Variants in IRAK2 observed in about 807,000 individuals in gnomAD.
The protein encoded by IRAK2 is interleukin 1 receptor associated kinase 2.
In IRAK2, 57 loss-of-function variants were observed where a neutral mutation model predicts 72.0. The observed-to-expected ratio is 0.79, with a 90% CI of 0.64 to 0.99. The LOEUF is 0.99. Ranked by LOEUF, IRAK2 falls within the 50% of genes least tolerant of loss-of-function variation. The pLI, the probability that IRAK2 is intolerant of heterozygous loss-of-function variation, is 0.00. For synonymous variants in IRAK2, 293 were observed against 312.7 expected (o/e 0.94, Z 0.67); for missense variants, 790 against 794.4 (o/e 0.99, Z 0.07).
intron 2 of IRAK2, among the ~76,000 whole-genome samples, chr3:10,194,136 G>A (rs949515960): frequency 6.6e-5 from 10 of 152,358 alleles, no homozygotes; most frequent in Non-Finnish European, 1.5e-4. Flanking sequence ...CCTGGGAGGT[G>A]TGGGGTTATT....
chr3:10,189,083 T>C (rs1339277631), intron 2 of IRAK2, among the ~76,000 whole-genome samples: 1 of 152,220 alleles, frequency 6.6e-6, no homozygotes, highest in African/African-American at 2.4e-5. Flanking sequence ...TATAAGAAGC[T>C]AACACACAGA....
rs1697612280 is a variant in IRAK2 at position 10,216,866 on chromosome 3, TG to T, written c.789-65del. ...GGAGGAGGAGAGGGCAGAAGAGGGG[TG>T]GGACATGAGGAAGTAGATCATTCTT... is the stretch of plus-strand genomic sequence containing the variant. On this transcript the variant is annotated intron_variant, in intron 6 of 12. Coordinates refer to ENST00000256458, the MANE Select transcript of IRAK2 (RefSeq NM_001570.4). 47 of 1,177,832 alleles carry T rather than the reference TG, an allele frequency of 4.0e-5. 2 individuals are homozygous for T. The South Asian group carries it at 5.4e-4, about 14-fold the overall frequency. 73.0% of individuals were successfully genotyped at this position (1,177,832 alleles called of 1,614,324 possible). A position where few individuals can be genotyped will look rare whatever the true frequency, so the allele number is the denominator to read the frequency against.
At position 10,242,324 on chromosome 3, in the gene IRAK2, AAC is replaced by A; in HGVS notation, c.*102_*103del. The A allele has an allele frequency of 3.0e-6, 2 of 667,018 alleles. No homozygotes were observed. Among genetic ancestry groups the A allele is most frequent in the South Asian group, 4.1e-5 (2 of 48,884 alleles). 41.3% of individuals were successfully genotyped at this position (667,018 alleles called of 1,614,324 possible). A position where few individuals can be genotyped will look rare whatever the true frequency, so the allele number is the denominator to read the frequency against. On this transcript the variant is annotated 3_prime_UTR_variant, in exon 13 of 13. Transcript: ENST00000256458. ...AGGCAGAATCCAAGATCTGCCAGGA[AAC>A]ACACAACAAAACATCTGCTGTCCTG...
chr3:10,173,758 T>C (rs1575951813), intron 1 of IRAK2, among the ~76,000 whole-genome samples: 1 of 151,974 alleles, frequency 6.6e-6, no homozygotes, highest in African/African-American at 2.4e-5. Context: ...CTGGGAGGCA[T>C]AGGCTGCAGT....
intron 7 of IRAK2, among the ~76,000 whole-genome samples, chr3:10,219,409 C>G (rs147371197): frequency 5.1e-4 from 77 of 152,060 alleles, no homozygotes; most frequent in Middle Eastern, 3.4e-3. Context: ...AGCTCTGCCT[C>G]CTGGGTTCAC....
At chr3:10,202,418 T>G (rs914176226) in intron 3 of IRAK2, among the ~76,000 whole-genome samples, 3 of 151,734 alleles carry the variant, frequency 2.0e-5, no homozygotes, top group African/African-American at 7.3e-5. Context: ...GGTCAGGAGA[T>G]CAATACCATC....
chr3:10,197,225 GA>G (rs891075406), intron 2 of IRAK2, among the ~76,000 whole-genome samples: 6 of 147,592 alleles, frequency 4.1e-5, no homozygotes, highest in African/African-American at 1.2e-4. Context: ...TAAAAATACA[GA>G]AAAAAAAAAT....
intron 2 of IRAK2, among the ~76,000 whole-genome samples, chr3:10,184,870 C>T (rs1378931747): frequency 8.6e-5 from 13 of 150,296 alleles, no homozygotes; most frequent in African/African-American, 3.3e-4. Context: ...GCTGGGACTA[C>T]AGGCGCCCGC....
At chr3:10,186,804 TAAA>T (rs1559441912) in intron 2 of IRAK2, among the ~76,000 whole-genome samples, 3 of 147,160 alleles carry the variant, frequency 2.0e-5, no homozygotes, top group Non-Finnish European at 4.5e-5. Context: ...TTTTTTTTTT[TAAA>T]TAGAGACAGA....
At chr3:10,176,007 C>CTAATG (rs1163546205) in intron 1 of IRAK2, among the ~76,000 whole-genome samples, 1 of 150,824 alleles carries the variant, frequency 6.6e-6, no homozygotes, top group African/African-American at 2.4e-5. Context: ...GGGAAGTACC[C>CTAATG]TAATGGCCTT....
At position 10,200,435 on chromosome 3, in the gene IRAK2, C is replaced by T. The variant is rs1250378315; in HGVS notation, c.344C>T (p.Pro115Leu). ...CCTGACTCTGTGAAGCCAGAAAAGC[C>T]TTTGGCAGCTTCTGTAAGAAAGGCT... ...AFPDSVKPEK[P>L]LAASVRKAED... is the part of the protein sequence containing the mutation. The change falls in exon 3 of 13, where the codon CCT (proline) becomes CTT (leucine). Residue 115 changes from proline (P) to leucine (L), a missense_variant. Transcript: ENST00000256458. 1.2e-6 allele frequency: 2 copies of T among 1,609,116 alleles called. No individual in the cohort carries two copies. Among genetic ancestry groups the T allele is most frequent in the Non-Finnish European group, 1.7e-6 (2 of 1,175,900 alleles).
At chr3:10,209,050 A>G (rs1185733042) in intron 3 of IRAK2, among the ~76,000 whole-genome samples, 2 of 152,004 alleles carry the variant, frequency 1.3e-5, no homozygotes, top group East Asian at 3.9e-4. Context: ...TTTCAAGCCC[A>G]GGTCAGGTGC....
chr3:10,193,272 T>C (rs1312129273), intron 2 of IRAK2, among the ~76,000 whole-genome samples: 2 of 152,102 alleles, frequency 1.3e-5, no homozygotes, highest in South Asian at 2.1e-4. Flanking sequence ...CCCTCATCAC[T>C]GTGGGTTCTC....
chr3:10,193,781 C>A (rs1027346848), intron 2 of IRAK2, among the ~76,000 whole-genome samples: 2 of 152,262 alleles, frequency 1.3e-5, no homozygotes, highest in Non-Finnish European at 2.9e-5. Flanking sequence ...GGCTGCCCAC[C>A]TCCAGTGTGT....
At chr3:10,238,714 C>A (rs1313536500) in intron 11 of IRAK2, 34 bp from the exon 12 acceptor site, 2 of 1,595,442 alleles carry the variant, frequency 1.3e-6, no homozygotes, top group East Asian at 2.2e-5. Flanking sequence ...AGAGAGAATT[C>A]CTGATGAGCT....
At chr3:10,205,899 T>A (rs528871443) in intron 3 of IRAK2, among the ~76,000 whole-genome samples, 79 of 152,286 alleles carry the variant, frequency 5.2e-4, no homozygotes, top group African/African-American at 1.8e-3. Flanking sequence ...CCAAGGGTAC[T>A]GAGCTGAGGC....
At chr3:10,186,366 C>G (rs943523862) in intron 2 of IRAK2, among the ~76,000 whole-genome samples, 1 of 151,716 alleles carries the variant, frequency 6.6e-6, no homozygotes. Flanking sequence ...CTCTTGGCTT[C>G]TAATCAGTTC....
intron 3 of IRAK2, among the ~76,000 whole-genome samples, chr3:10,205,282 G>A (rs1005108139): frequency 2.6e-5 from 4 of 152,174 alleles, no homozygotes; most frequent in Non-Finnish European, 5.9e-5. Flanking sequence ...GAGCCAATCC[G>A]ATTAGACCCC....
At position 10,242,989 on chromosome 3, in the gene IRAK2, T is replaced by C. The variant is rs1044546578; in HGVS notation, c.*761T>C. 2.6e-5 allele frequency: 4 copies of C among 152,358 alleles called. No homozygotes were observed. Among genetic ancestry groups the C allele is most frequent in the Admixed American group, 2.6e-4 (4 of 15,304 alleles). 9.4% of individuals were successfully genotyped at this position (152,358 alleles called of 1,614,324 possible). Reference sequence around the variant, plus strand: ...TACCTTTATCTTCCCATCCCACTAATGTTAGTGTTTTTTAATGGAGCTTTT... The same window carrying C: ...TACCTTTATCTTCCCATCCCACTAACGTTAGTGTTTTTTAATGGAGCTTTT... On this transcript the variant is annotated 3_prime_UTR_variant, in exon 13 of 13. Coordinates refer to ENST00000256458, the MANE Select transcript of IRAK2 (RefSeq NM_001570.4).
Sources: gnomAD v4.1 joint callset for allele counts (sites outside exome capture counted in the v4.1 genomes callset) on GRCh38, gnomAD v4.1.1 for gene constraint, MANE v1.5 for transcripts, NCBI Gene and HGNC (gene_info 2026-07-23, HGNC 2026-07-21) for gene names.